MINDY3: variants seen among roughly 807,000 people sequenced by gnomAD.
MINDY3 encodes ubiquitin carboxyl-terminal hydrolase MINDY-3.
A neutral mutation model predicts 69.2 loss-of-function variants in MINDY3; 38 were observed. That is an observed-to-expected ratio of 0.55 (90% CI 0.42 to 0.72). The LOEUF is 0.72. Ranked by LOEUF, MINDY3 falls within the 30% of genes least tolerant of loss-of-function variation. The probability of loss-of-function intolerance (pLI) is 0.00; values close to 1 mark genes in which losing one functional copy is unlikely to be tolerated. For synonymous variants in MINDY3, 192 were observed against 180.1 expected (o/e 1.07, Z -0.53); for missense variants, 522 against 519.0 (o/e 1.01, Z -0.06).
rs200421665 is a variant in MINDY3, at chr10:15,786,646, A to G, written c.1031T>C (p.Ile344Thr). The G allele has an allele frequency of 1.7e-4, 266 of 1,546,574 alleles. No homozygotes were observed. Among genetic ancestry groups the G allele is most frequent in the Non-Finnish European group, 2.3e-4 (256 of 1,124,212 alleles). ...ATCTAATTTATTCTTCATGAGATTTATACTACGGGGAGAAAGAAGAAAAAC... is the reference window on the plus strand; with the variant it reads ...ATCTAATTTATTCTTCATGAGATTTGTACTACGGGGAGAAAGAAGAAAAAC... ...ALDLVSDPEY[I>T]NLMKNKLDPE... is the part of the protein sequence containing the mutation. Residue 344 changes from isoleucine to threonine, a missense_variant and splice_region_variant, in exon 13 of 15, where the codon ATA becomes ACA. Ile to Thr is a moderately conservative substitution (Grantham distance 89). Coordinates refer to ENST00000277632, the MANE Select transcript of MINDY3 (RefSeq NM_024948.4).
Position 15,793,851 on chromosome 10 carries a change from T to TG in MINDY3, c.955+2248_955+2249insC, listed in dbSNP as rs199785123. On this transcript the variant is annotated intron_variant, in intron 11 of 14. Transcript: ENST00000277632. Reference sequence around the variant, plus strand: ...TAACATTCCACGCAAATGCCACACATCATTCTTAGATAGATCCCCAATTTC... The same window carrying TG: ...TAACATTCCACGCAAATGCCACACATGCATTCTTAGATAGATCCCCAATTTC... 5.2e-3 allele frequency among the ~76,000 whole-genome samples: 791 copies of TG among 152,196 alleles called. 25 individuals are homozygous for TG. Among genetic ancestry groups the TG allele is most frequent in the Admixed American group, 0.047 (718 of 15,282 alleles).
chr10:15,788,447 A>C (rs573489163), intron 12 of MINDY3, among the ~76,000 whole-genome samples: 6 of 152,222 alleles, frequency 3.9e-5, no homozygotes, highest in Admixed American at 1.3e-4. Flanking sequence ...CAAATTCTAA[A>C]AACGGTGTCT....
intron 8 of MINDY3, among the ~76,000 whole-genome samples, chr10:15,829,291 C>A (rs894625655): frequency 6.6e-6 from 1 of 152,076 alleles, no homozygotes; most frequent in Non-Finnish European, 1.5e-5. Context: ...TTTTAACGAC[C>A]GGGAGGCAGA....
intron 14 of MINDY3, among the ~76,000 whole-genome samples, chr10:15,780,252 T>C (rs1374976769): frequency 1.3e-5 from 2 of 152,216 alleles, no homozygotes; most frequent in Non-Finnish European, 2.9e-5. Flanking sequence ...TCTTGTGTCA[T>C]GAATCTACTC....
intron 1 of MINDY3, among the ~76,000 whole-genome samples, chr10:15,856,333 G>A (rs944332388): frequency 3.3e-5 from 5 of 149,638 alleles, no homozygotes; most frequent in African/African-American, 4.9e-5. Flanking sequence ...TTCATATTAC[G>A]TAACAAAAAT....
Position 15,778,711 on chromosome 10 carries a change from G to GT in MINDY3, c.*280dup. The GT allele has an allele frequency of 3.7e-6, 1 of 270,606 alleles. No individual in the cohort carries two copies. The highest frequency in any genetic ancestry group is 7.4e-5 in the East Asian group (1 of 13,594). The allele number at this position is 270,606 out of a possible 1,614,324, so 16.8% of individuals were successfully genotyped here. A position where few individuals can be genotyped will look rare whatever the true frequency, so the allele number is the denominator to read the frequency against. Reference sequence around the variant, plus strand: ...GCTGTAGTATTGCGTTTGTAATTTGGTAAGTAAATGACCAAGTATCTGAAT... The same window carrying GT: ...GCTGTAGTATTGCGTTTGTAATTTGGTTAAGTAAATGACCAAGTATCTGAAT... On this transcript the variant is annotated 3_prime_UTR_variant, in exon 15 of 15. Transcript: ENST00000277632.
chr10:15,847,820 T>G (rs1459950647), intron 2 of MINDY3, 44 bp downstream of exon 2: 13 of 1,417,244 alleles, frequency 9.2e-6, no homozygotes, highest in Non-Finnish European at 1.0e-5. Flanking sequence ...TATGAAACGT[T>G]TCAAAATGTC....
chr10:15,858,509 G>A (rs926523947), intron 1 of MINDY3, among the ~76,000 whole-genome samples: 6 of 152,272 alleles, frequency 3.9e-5, no homozygotes, highest in Middle Eastern at 3.4e-3. Context: ...TTCACTATAC[G>A]TCAGATAGTG....
intron 1 of MINDY3, among the ~76,000 whole-genome samples, chr10:15,849,168 G>A (rs754552812): frequency 7.2e-4 from 109 of 152,278 alleles, no homozygotes; most frequent in Middle Eastern, 3.4e-3. Flanking sequence ...TAACTTCCAG[G>A]CTCATCTTGA....
chr10:15,785,485 T>C (rs1424056871), intron 13 of MINDY3, among the ~76,000 whole-genome samples: 4 of 152,184 alleles, frequency 2.6e-5, no homozygotes, highest in African/African-American at 9.7e-5. Flanking sequence ...AGCCTTGAAA[T>C]ATAATTAAAA....
chr10:15,779,756 G>A (rs559629449), intron 14 of MINDY3, among the ~76,000 whole-genome samples: 7 of 152,224 alleles, frequency 4.6e-5, no homozygotes, highest in African/African-American at 1.7e-4. Flanking sequence ...AGGATGTCAG[G>A]ACAGAAAGAA....
intron 2 of MINDY3, among the ~76,000 whole-genome samples, chr10:15,847,401 T>C (rs1316235836): frequency 6.6e-6 from 1 of 152,232 alleles, no homozygotes; most frequent in African/African-American, 2.4e-5. Flanking sequence ...GCCAAAGCTA[T>C]AGCATAAAAT....
chr10:15,843,394 A>G, intron 2 of MINDY3, 122 bp from the exon 3 acceptor site: 1 of 771,730 alleles, frequency 1.3e-6, no homozygotes, highest in South Asian at 1.7e-5. Flanking sequence ...CTAGTTCTGT[A>G]AAGATGTCAA....
rs1213252641 is a variant in MINDY3 at position 15,845,540 on chromosome 10, C to T, written c.175-2268G>A. Among the ~76,000 whole-genome samples, 11 of 152,080 alleles carry T rather than the reference C, an allele frequency of 7.2e-5. No individual in the cohort carries two copies. In the South Asian group the frequency reaches 2.3e-3, roughly 32 times the overall value. On this transcript the variant is annotated intron_variant, in intron 2 of 14. Transcript: ENST00000277632. ...TTAGAAACAGGGTCTCCCTCTATTG[C>T]CCAGGTTGGAGGGCAGTGGCATGAT... is the stretch of plus-strand genomic sequence containing the variant.
intron 8 of MINDY3, among the ~76,000 whole-genome samples, chr10:15,831,616 T>C (rs553912462): frequency 6.6e-6 from 1 of 151,852 alleles, no homozygotes; most frequent in South Asian, 2.1e-4. Flanking sequence ...TTGACTAATA[T>C]ATTCTGTACA....
chr10:15,847,977 T>A (rs749104486), intron 1 of MINDY3, 34 bp from the exon 2 acceptor site: 1 of 1,546,716 alleles, frequency 6.5e-7, no homozygotes, highest in Non-Finnish European at 8.9e-7. Context: ...AGATTAAAAA[T>A]ATAATTCAAG....
chr10:15,795,664 T>C (rs1449698468), intron 11 of MINDY3, among the ~76,000 whole-genome samples: 1 of 152,084 alleles, frequency 6.6e-6, no homozygotes, highest in African/African-American at 2.4e-5. Flanking sequence ...TTAGGTAGAA[T>C]AGCTAAGCAT....
intron 1 of MINDY3, among the ~76,000 whole-genome samples, chr10:15,849,256 T>C (rs1834095285): frequency 6.6e-6 from 1 of 152,090 alleles, no homozygotes; most frequent in South Asian, 2.1e-4. Flanking sequence ...GCAAAAAGGT[T>C]TTCCAAGAGG....
At chr10:15,834,502 CTG>C in intron 7 of MINDY3, 39 bp downstream of exon 7, 1 of 1,389,878 alleles carries the variant, frequency 7.2e-7, no homozygotes, top group Non-Finnish European at 1.0e-6. Flanking sequence ...TTTCTAAAAA[CTG>C]GAGTTCACAT....
Sources: gnomAD v4.1 joint callset for allele counts (sites outside exome capture counted in the v4.1 genomes callset) on GRCh38, gnomAD v4.1.1 for gene constraint, MANE v1.5 for transcripts, NCBI Gene and HGNC (gene_info 2026-07-23, HGNC 2026-07-21) for gene names.